COMMD10: variants seen among roughly 807,000 people sequenced by gnomAD.
COMMD10 encodes COMM domain-containing protein 10.
In COMMD10, 33 loss-of-function variants were observed where a neutral mutation model predicts 28.9. That is an observed-to-expected ratio of 1.14 (90% CI 0.87 to 1.53). The LOEUF (loss-of-function observed/expected upper bound fraction) is 1.53, where lower values mean the gene tolerates loss of function less well. Ranked by LOEUF, COMMD10 falls within the 40% of genes most tolerant of loss-of-function variation. The pLI is 0.00. For synonymous variants in COMMD10, 110 were observed against 81.7 expected, an observed-to-expected ratio of 1.35 and a Z score of -1.87; for missense variants, 310 against 233.4, an observed-to-expected ratio of 1.33 and a Z score of -2.14.
intron 5 of COMMD10, among the ~76,000 whole-genome samples, chr5:116,163,539 A>G (rs1245693898): frequency 6.6e-6 from 1 of 152,118 alleles, no homozygotes; most frequent in Non-Finnish European, 1.5e-5. Flanking sequence ...CGGTGAGCCA[A>G]GATTGCACCA....
At chr5:116,114,313 CT>C in intron 4 of COMMD10, among the ~76,000 whole-genome samples, 1 of 151,984 alleles carries the variant, frequency 6.6e-6, no homozygotes, top group Non-Finnish European at 1.5e-5. Context: ...AGTGAGTGGG[CT>C]CATGAGCTCT....
chr5:116,085,954 G>GGA (rs1442009628), intron 1 of COMMD10, among the ~76,000 whole-genome samples: 1 of 152,188 alleles, frequency 6.6e-6, no homozygotes, highest in African/African-American at 2.4e-5. Flanking sequence ...ACAAAGAACT[G>GGA]GAGAAGACGC....
intron 4 of COMMD10, among the ~76,000 whole-genome samples, chr5:116,119,018 G>T (rs1423063710): frequency 1.3e-5 from 2 of 152,168 alleles, no homozygotes; most frequent in African/African-American, 4.8e-5. Flanking sequence ...TTTTCAGAGT[G>T]TTGCCAATTG....
intron 4 of COMMD10, among the ~76,000 whole-genome samples, chr5:116,114,195 C>G (rs1026031923): frequency 6.6e-6 from 1 of 152,012 alleles, no homozygotes; most frequent in African/African-American, 2.4e-5. Context: ...AGGTCTATAT[C>G]TAGGGCAGTG....
intron 5 of COMMD10, among the ~76,000 whole-genome samples, chr5:116,239,136 A>G (rs1308790592): frequency 6.6e-6 from 1 of 152,202 alleles, no homozygotes; most frequent in Non-Finnish European, 1.5e-5. Context: ...TTTATACTCA[A>G]TTTAAACCAT....
chr5:116,239,849 G>A (rs1749768112), intron 5 of COMMD10, among the ~76,000 whole-genome samples: 1 of 152,158 alleles, frequency 6.6e-6, no homozygotes, highest in Non-Finnish European at 1.5e-5. Context: ...GGTTTGCTGT[G>A]TTTAAATGAT....
At chr5:116,151,751 T>C (rs1221223176) in intron 5 of COMMD10, among the ~76,000 whole-genome samples, 1 of 152,204 alleles carries the variant, frequency 6.6e-6, no homozygotes, top group African/African-American at 2.4e-5. Flanking sequence ...CTCTCTTTTC[T>C]TCTTTATTAG....
intron 4 of COMMD10, among the ~76,000 whole-genome samples, chr5:116,103,152 T>C (rs1403432475): frequency 1.3e-5 from 2 of 152,196 alleles, no homozygotes; most frequent in African/African-American, 4.8e-5. Context: ...GTCTTTATAG[T>C]AGAATGATTT....
At chr5:116,169,773 C>T (rs112046775) in intron 5 of COMMD10, among the ~76,000 whole-genome samples, 1,826 of 152,060 alleles carry the variant, frequency 0.012, 36 homozygotes, top group African/African-American at 0.04. Flanking sequence ...AAAAGGCCTT[C>T]GATAAAATTC....
intron 5 of COMMD10, among the ~76,000 whole-genome samples, chr5:116,161,751 G>A (rs931347531): frequency 6.6e-6 from 1 of 152,172 alleles, no homozygotes; most frequent in African/African-American, 2.4e-5. Flanking sequence ...ATAGGAGGAA[G>A]AAGAGAAAGG....
At chr5:116,194,784 T>C (rs1052674307) in intron 5 of COMMD10, among the ~76,000 whole-genome samples, 1 of 151,856 alleles carries the variant, frequency 6.6e-6, no homozygotes, top group Non-Finnish European at 1.5e-5. Context: ...TTCCACAAGA[T>C]AAAGAAGGAG....
intron 4 of COMMD10, among the ~76,000 whole-genome samples, chr5:116,103,188 A>G (rs1750723656): frequency 6.6e-6 from 1 of 152,212 alleles, no homozygotes; most frequent in Non-Finnish European, 1.5e-5. Flanking sequence ...TATACCCAGT[A>G]ATGGGATGGC....
chr5:116,290,416 T>G (rs1406427846), intron 5 of COMMD10, among the ~76,000 whole-genome samples: 1 of 151,852 alleles, frequency 6.6e-6, no homozygotes, highest in Non-Finnish European at 1.5e-5. Context: ...TATGGAAATT[T>G]GATCCTGTAC....
At chr5:116,288,277 T>C (rs1751271911) in intron 5 of COMMD10, among the ~76,000 whole-genome samples, 1 of 151,846 alleles carries the variant, frequency 6.6e-6, no homozygotes, top group Non-Finnish European at 1.5e-5. Flanking sequence ...ATCCTACTCC[T>C]TTCTGGCCTT....
At chr5:116,279,866 C>T (rs999670822) in intron 5 of COMMD10, among the ~76,000 whole-genome samples, 4 of 151,674 alleles carry the variant, frequency 2.6e-5, no homozygotes, top group African/African-American at 4.9e-5. Flanking sequence ...AGTGTGACAC[C>T]CCATCCGCTA....
chr5:116,100,147 A>G (rs1477809948), intron 4 of COMMD10, among the ~76,000 whole-genome samples: 2 of 152,154 alleles, frequency 1.3e-5, no homozygotes, highest in African/African-American at 2.4e-5. Flanking sequence ...TTATGGTATC[A>G]TGTTGGAGTT....
intron 5 of COMMD10, among the ~76,000 whole-genome samples, chr5:116,179,478 T>G (rs979636509): frequency 1.3e-5 from 2 of 152,032 alleles, no homozygotes; most frequent in African/African-American, 4.8e-5. Flanking sequence ...ATGGGCTTGA[T>G]TCAAAGCATG....
At chr5:116,088,977 G>A (rs775035613) in intron 2 of COMMD10, among the ~76,000 whole-genome samples, 2 of 152,148 alleles carry the variant, frequency 1.3e-5, no homozygotes, top group Non-Finnish European at 2.9e-5. Context: ...CTCAGTAAAT[G>A]TTCTTGAAGT....
intron 5 of COMMD10, among the ~76,000 whole-genome samples, chr5:116,134,468 A>C (rs987885994): frequency 6.6e-6 from 1 of 152,194 alleles, no homozygotes; most frequent in Non-Finnish European, 1.5e-5. Context: ...TGAGTGTTTC[A>C]TGTTTTAAGC....
Sources: gnomAD v4.1 joint callset for allele counts (sites outside exome capture counted in the v4.1 genomes callset) on GRCh38, gnomAD v4.1.1 for gene constraint, MANE v1.5 for transcripts, NCBI Gene and HGNC (gene_info 2026-07-23, HGNC 2026-07-21) for gene names.